Variants in RYR2 observed in about 807,000 individuals in gnomAD.
RYR2 encodes the protein cardiac muscle ryanodine receptor-calcium release channel.
RYR2 carries 227 observed loss-of-function variants against 601.1 expected under a neutral mutation model. That is an observed-to-expected ratio of 0.38 (90% CI 0.34 to 0.42). The LOEUF (loss-of-function observed/expected upper bound fraction) is 0.42. Ranked by LOEUF, RYR2 falls within the 10% of genes least tolerant of loss-of-function variation. The probability of loss-of-function intolerance (pLI) is 1.00; values close to 1 mark genes in which losing one functional copy is unlikely to be tolerated. For synonymous variants in RYR2, 2,223 were observed against 2,175.1 expected (o/e 1.02, Z -0.61); for missense variants, 4,646 against 6,156.5 (o/e 0.75, Z 8.21).
At chr1:237,809,337 A>G (rs1327062369) in intron 100 of RYR2, among the ~76,000 whole-genome samples, 1 of 152,248 alleles carries the variant, frequency 6.6e-6, no homozygotes, top group Admixed American at 6.5e-5. Context: ...GACAACGGGT[A>G]AAACTATTTC....
chr1:237,758,844 C>T (rs182423160), intron 82 of RYR2, among the ~76,000 whole-genome samples: 19 of 152,230 alleles, frequency 1.2e-4, no homozygotes, highest in Non-Finnish European at 2.4e-4. Context: ...ATAGCTGTTT[C>T]GTTATGCTAT....
chr1:237,179,263 T>C (rs1377399716), intron 1 of RYR2, among the ~76,000 whole-genome samples: 1 of 152,186 alleles, frequency 6.6e-6, no homozygotes, highest in Non-Finnish European at 1.5e-5. Flanking sequence ...TAGAGCTTGT[T>C]GGACAAAGAT....
intron 40 of RYR2, among the ~76,000 whole-genome samples, chr1:237,627,212 T>G (rs756156053): frequency 6.6e-5 from 10 of 152,236 alleles, no homozygotes; most frequent in Non-Finnish European, 1.3e-4. Flanking sequence ...CATGTTACAT[T>G]GCAAAGTAAT....
chr1:237,372,330 A>G (rs546482529), intron 6 of RYR2, among the ~76,000 whole-genome samples: 1 of 152,236 alleles, frequency 6.6e-6, no homozygotes, highest in Non-Finnish European at 1.5e-5. Flanking sequence ...TTCAATGCTC[A>G]TTCTTAATGA....
chr1:237,449,626 ACTTT>A (rs1258888874), intron 14 of RYR2, among the ~76,000 whole-genome samples: 1 of 151,860 alleles, frequency 6.6e-6, no homozygotes, highest in Non-Finnish European at 1.5e-5. Flanking sequence ...TGCATGAAGG[ACTTT>A]CTTTAACATT....
At chr1:237,550,223 A>G (rs1670247501) in intron 26 of RYR2, among the ~76,000 whole-genome samples, 1 of 152,210 alleles carries the variant, frequency 6.6e-6, no homozygotes, top group Admixed American at 6.5e-5. Context: ...AACTGTACTC[A>G]GAAGTTATAT....
intron 29 of RYR2, among the ~76,000 whole-genome samples, chr1:237,584,323 T>C (rs182343980): frequency 6.6e-6 from 1 of 152,332 alleles, no homozygotes; most frequent in Admixed American, 6.5e-5. Context: ...CAACCTGTTT[T>C]GTTCAATTTA....
Position 237,334,440 on chromosome 1 carries a change from AATATAT to A in RYR2, c.273+3473_273+3478del, listed in dbSNP as rs58982184. Among the ~76,000 whole-genome samples, 1,173 of 146,070 alleles carry A rather than the reference AATATAT, an allele frequency of 8.0e-3. 18 individuals carry two copies. The highest frequency in any genetic ancestry group is 0.028 in the African/African-American group (1,116 of 40,274). ...TTTTCTAAAATGTCTGTTTAATTAA[AATATAT>A]ATATATATATATATGTTAAAAGAGA... is the stretch of plus-strand genomic sequence containing the variant. On this transcript the variant is annotated intron_variant, in intron 3 of 104. Transcript: ENST00000366574.
At chr1:237,698,643 G>A (rs1015012504) in intron 63 of RYR2, among the ~76,000 whole-genome samples, 1 of 151,994 alleles carries the variant, frequency 6.6e-6, no homozygotes, top group Non-Finnish European at 1.5e-5. Context: ...TAAACAATAA[G>A]ATTTAAAAAT....
At chr1:237,723,649 A>C (rs1033794981) in intron 74 of RYR2, among the ~76,000 whole-genome samples, 1 of 152,014 alleles carries the variant, frequency 6.6e-6, no homozygotes, top group Non-Finnish European at 1.5e-5. Context: ...ATTATCTTTT[A>C]CCGGTTTAAT....
chr1:237,144,761 C>T (rs760123027), intron 1 of RYR2, among the ~76,000 whole-genome samples: 3 of 152,192 alleles, frequency 2.0e-5, no homozygotes, highest in Non-Finnish European at 2.9e-5. Flanking sequence ...CTATTTTCCT[C>T]AGAGCTTTCT....
At chr1:237,645,708 G>C (rs1682053773) in intron 48 of RYR2, among the ~76,000 whole-genome samples, 1 of 152,070 alleles carries the variant, frequency 6.6e-6, no homozygotes, top group Non-Finnish European at 1.5e-5. Context: ...TCCTTTTGTA[G>C]TTAGTTGTGC....
chr1:237,563,424 A>AAC (rs61331494), intron 27 of RYR2, among the ~76,000 whole-genome samples: 2 of 150,700 alleles, frequency 1.3e-5, no homozygotes, highest in East Asian at 3.9e-4. Flanking sequence ...AAAAAAAAAA[A>AAC]CACAAACAAA....
At chr1:237,302,151 T>A (rs1693416081) in intron 2 of RYR2, among the ~76,000 whole-genome samples, 1 of 152,208 alleles carries the variant, frequency 6.6e-6, no homozygotes, top group Non-Finnish European at 1.5e-5. Flanking sequence ...ATTAATGACA[T>A]ATTTTTAAAA....
rs1679577488 is a variant in RYR2, at chr1:237,625,747, A to G, written c.6109A>G (p.Thr2037Ala). ...GRLLSLVEKV[T>A]YLKKKQAEKP... ...TCTGCTATCCCTGGTAGAAAAGGTG[A>G]CATATCTGAAGAAGAAGCAAGCAGA... The change falls in exon 40 of 105, where the codon ACA becomes GCA. Residue 2037 changes from threonine (T) to alanine (A), a missense_variant. By Grantham distance (58) the Thr-to-Ala change is moderately conservative. Around this residue, in one of 17 missense-constraint regions of RYR2, gnomAD observed 170 missense variants for 184.5 expected, o/e 0.92. Transcript: ENST00000366574. The G allele has an allele frequency of 6.2e-7, 1 of 1,613,838 alleles. No homozygotes were observed. Among genetic ancestry groups the G allele is most frequent in the Non-Finnish European group, 8.5e-7 (1 of 1,179,840 alleles).
intron 1 of RYR2, among the ~76,000 whole-genome samples, chr1:237,117,735 CT>C (rs1211122148): frequency 6.8e-5 from 9 of 132,222 alleles, no homozygotes; most frequent in African/African-American, 2.7e-4. Context: ...CTCTTCTCTT[CT>C]CTTCTCTTCT....
At chr1:237,816,612 C>T (rs1276300193) in intron 100 of RYR2, among the ~76,000 whole-genome samples, 1 of 151,710 alleles carries the variant, frequency 6.6e-6, no homozygotes. Context: ...TCGCTTGAAC[C>T]CAGGAGGCGG....
chr1:237,786,026 G>A lies in RYR2; in HGVS notation c.13318G>A (p.Glu4440Lys), dbSNP rs1309702078. The change falls in exon 91 of 105, where the codon GAA becomes AAA. Residue 4440 changes from glutamate to lysine, a missense_variant. Physicochemically the swap from Glu to Lys is moderately conservative, Grantham distance 56. Around this residue, in one of 17 missense-constraint regions of RYR2, gnomAD observed 364 missense variants for 442.9 expected, o/e 0.82. Coordinates refer to ENST00000366574, the MANE Select transcript of RYR2 (RefSeq NM_001035.3). ...AAAAGAAGAAACCAAATCTGAACCT[G>A]AAAAAGCCGAGTATGTATAGTTTGC... is the stretch of plus-strand genomic sequence containing the variant. ...EEKEETKSEPEKAEGEDGEKE... is the reference protein window; with the variant it reads ...EEKEETKSEPKKAEGEDGEKE... 6.3e-7 allele frequency: 1 copy of A among 1,583,168 alleles called. No individual in the cohort carries two copies. Among genetic ancestry groups the A allele is most frequent in the Non-Finnish European group, 8.6e-7 (1 of 1,162,100 alleles).
Position 237,792,382 on chromosome 1 carries a change from CGT to C in RYR2, c.13782+73_13782+74del, listed in dbSNP as rs1359233766. ...GTGTGTGTGTGTGTGTGTGTGTGTG[CGT>C]GTGTGTGTGTGTGCGTGTGTGTGTG... On this transcript the variant is annotated intron_variant, in intron 94 of 104. Transcript: ENST00000366574. The C allele has an allele frequency of 6.1e-3, 4,027 of 657,548 alleles. 5 individuals are homozygous for C. Among genetic ancestry groups the C allele is most frequent in the South Asian group, 0.012 (475 of 40,410 alleles). 40.7% of individuals were successfully genotyped at this position (657,548 alleles called of 1,614,324 possible). A position where few individuals can be genotyped will look rare whatever the true frequency, so the allele number is the denominator to read the frequency against.
Sources: allele counts gnomAD v4.1 joint callset (sites outside exome capture counted in the v4.1 genomes callset), GRCh38; gene constraint gnomAD v4.1.1; regional missense constraint gnomAD v4.1.1; transcripts MANE v1.5; gene names NCBI Gene and HGNC (gene_info 2026-07-23, HGNC 2026-07-21).